The following OPRM1 variants were observed in gnomAD, a reference collection of about 807,000 sequenced individuals.
OPRM1 encodes the protein opioid receptor mu 1, also known as mu-type opioid receptor.
Under a neutral mutation model 31.8 loss-of-function variants are expected in OPRM1, and 27 were observed. That is an observed-to-expected ratio of 0.85 (90% CI 0.63 to 1.17). The LOEUF (loss-of-function observed/expected upper bound fraction) is 1.17, where lower values mean the gene tolerates loss of function less well. Ranked by LOEUF, OPRM1 falls within the 50% of genes most tolerant of loss-of-function variation. OPRM1 has a pLI of 0.00. For missense variants in OPRM1, 536 were observed against 511.1 expected (o/e 1.05, Z -0.47); for synonymous variants, 196 against 189.9 (o/e 1.03, Z -0.26).
intron 3 of OPRM1, among the ~76,000 whole-genome samples, chr6:154,147,687 T>C (rs548290297): frequency 1.5e-4 from 23 of 152,312 alleles, no homozygotes; most frequent in African/African-American, 5.1e-4. Context: ...TGGTAAATCC[T>C]TTCAGTGCCA....
chr6:154,231,067 C>T (rs1389841239), intron 3 of OPRM1, among the ~76,000 whole-genome samples: 3 of 152,188 alleles, frequency 2.0e-5, no homozygotes, highest in Non-Finnish European at 4.4e-5. Context: ...CCAAAACCCC[C>T]AGGGCACTGG....
At chr6:154,047,258 T>G (rs1781297609) in intron 1 of OPRM1, among the ~76,000 whole-genome samples, 1 of 149,224 alleles carries the variant, frequency 6.7e-6, no homozygotes, top group Non-Finnish European at 1.5e-5. Flanking sequence ...AAAGTCATCT[T>G]CTTACTGCAC....
chr6:154,103,204 G>C (rs1410648653), intron 3 of OPRM1, among the ~76,000 whole-genome samples: 1 of 152,124 alleles, frequency 6.6e-6, no homozygotes, highest in Non-Finnish European at 1.5e-5. Flanking sequence ...AGAATGGAAG[G>C]ACTCCTGGAA....
chr6:154,080,549 G>A (rs990381908), intron 1 of OPRM1, among the ~76,000 whole-genome samples: 2 of 152,164 alleles, frequency 1.3e-5, no homozygotes, highest in African/African-American at 4.8e-5. Context: ...AGCCTGCAAA[G>A]TGCATTCCTA....
At position 154,122,296 on chromosome 6, in the gene OPRM1, A is replaced by T. The variant is rs1009913303; in HGVS notation, c.*3575A>T. Among the ~76,000 whole-genome samples, 1 of 152,230 alleles carries T rather than the reference A, an allele frequency of 6.6e-6. No homozygotes were observed. Among genetic ancestry groups the T allele is most frequent in the Non-Finnish European group, 1.5e-5 (1 of 68,034 alleles). On this transcript the variant is annotated 3_prime_UTR_variant, in exon 4 of 4. Transcript: ENST00000330432. ...AAGGAATCCCTACTGCCCTTGTAGAAACATCAAGATTCTTGCCTGGATTCT... is the reference window on the plus strand; with the variant it reads ...AAGGAATCCCTACTGCCCTTGTAGATACATCAAGATTCTTGCCTGGATTCT...
At chr6:154,038,963 A>G (rs926573230), upstream of OPRM1, 3 of 560,674 alleles carry the variant, frequency 5.4e-6, no homozygotes, top group Non-Finnish European at 8.9e-6. Flanking sequence ...AATAATCAAA[A>G]TTGGCAGTAG....
intron 3 of OPRM1, among the ~76,000 whole-genome samples, chr6:154,203,069 T>C (rs1777201149): frequency 6.6e-6 from 1 of 152,230 alleles, no homozygotes; most frequent in Non-Finnish European, 1.5e-5. Context: ...GCATGGCTCA[T>C]TATTTCTAAC....
intron 1 of OPRM1, among the ~76,000 whole-genome samples, chr6:154,064,499 G>A (rs1051086960): frequency 1.3e-5 from 2 of 152,106 alleles, no homozygotes; most frequent in Admixed American, 1.3e-4. Flanking sequence ...TTTATGACAT[G>A]CAATGTGTCC....
intron 1 of OPRM1, among the ~76,000 whole-genome samples, chr6:154,031,636 G>A (rs1405710151): frequency 1.3e-5 from 2 of 152,112 alleles, no homozygotes; most frequent in African/African-American, 2.4e-5. Context: ...ACGTACTAGC[G>A]AGGCTGAGGC....
upstream of OPRM1, among the ~76,000 whole-genome samples, chr6:154,038,276 T>TA (rs1361495518): frequency 2.0e-5 from 3 of 152,164 alleles, no homozygotes; most frequent in Non-Finnish European, 4.4e-5. Context: ...CATGCACAGA[T>TA]ATATACATGT....
At chr6:154,036,849 A>G (rs1314240467), upstream of OPRM1, among the ~76,000 whole-genome samples, 1 of 151,974 alleles carries the variant, frequency 6.6e-6, no homozygotes, top group Non-Finnish European at 1.5e-5. Context: ...TATTATGCAC[A>G]TTAATATTCA....
chr6:154,106,195 T>C (rs1229765036), intron 3 of OPRM1, among the ~76,000 whole-genome samples: 3 of 152,266 alleles, frequency 2.0e-5, no homozygotes, highest in African/African-American at 7.2e-5. Context: ...TGACTTCTTA[T>C]AATTTTTCAC....
intron 1 of OPRM1, among the ~76,000 whole-genome samples, chr6:154,017,875 T>G (rs4870263): frequency 0.18 from 26,653 of 151,946 alleles, 3,696 homozygotes; most frequent in African/African-American, 0.38. Flanking sequence ...ACTGTGCTGT[T>G]TCCTTTTCAT....
rs779968845 is a variant in OPRM1 at position 154,244,303 on chromosome 6, T to TGG, written c.1165-2389_1165-2388insGG. ...AAGATTCGGTGTGTGTGTGGGTGGG[T>TGG]GTGTGTGTGTGTGTGTGTGTGTGTT... On this transcript the variant is annotated intron_variant, in intron 3 of 3. Coordinates refer to the OPRM1 transcript ENST00000337049. 4.9e-3 allele frequency among the ~76,000 whole-genome samples: 693 copies of TGG among 140,768 alleles called. 5 individuals carry two copies. Among genetic ancestry groups the TGG allele is most frequent in the African/African-American group, 0.016 (551 of 35,038 alleles). The allele number at this position is 140,768 out of a possible 152,430, so 92.3% of individuals were successfully genotyped here.
chr6:154,214,688 A>C (rs987631203), intron 3 of OPRM1, among the ~76,000 whole-genome samples: 5 of 152,228 alleles, frequency 3.3e-5, no homozygotes, highest in Admixed American at 2.6e-4. Context: ...TATTTTAGAA[A>C]AAATGTACGA....
chr6:154,015,550 T>C (rs1313165146), intron 1 of OPRM1, among the ~76,000 whole-genome samples: 3 of 152,032 alleles, frequency 2.0e-5, no homozygotes, highest in South Asian at 4.1e-4. Context: ...TTAAACCCTG[T>C]AGTACTAGAA....
At chr6:154,222,251 C>T (rs907345978) in intron 3 of OPRM1, among the ~76,000 whole-genome samples, 6 of 152,254 alleles carry the variant, frequency 3.9e-5, no homozygotes, top group African/African-American at 1.2e-4. Context: ...TCCTGCAGCA[C>T]GGCACAGGCC....
intron 1 of OPRM1, among the ~76,000 whole-genome samples, chr6:154,045,945 A>C (rs3778145): frequency 0.14 from 20,886 of 152,102 alleles, 1,539 homozygotes; most frequent in Non-Finnish European, 0.17. Flanking sequence ...CCGTCTCAAA[A>C]ACATGCCTCG....
At chr6:154,160,399 G>A (rs1159419292) in intron 3 of OPRM1, among the ~76,000 whole-genome samples, 1 of 152,094 alleles carries the variant, frequency 6.6e-6, no homozygotes, top group African/African-American at 2.4e-5. Context: ...GCATTTTATT[G>A]ACAATCCAAA....
Sources: allele counts gnomAD v4.1 joint callset (sites outside exome capture counted in the v4.1 genomes callset), GRCh38; gene constraint gnomAD v4.1.1; transcripts MANE v1.5; gene names NCBI Gene and HGNC (gene_info 2026-07-23, HGNC 2026-07-21).